MIDN: variants seen among roughly 807,000 people sequenced by gnomAD.
The protein encoded by MIDN is midnolin, also known as midbrain nucleolar protein.
Under a neutral mutation model 46.1 loss-of-function variants are expected in MIDN, and 26 were observed. That is an observed-to-expected ratio of 0.56 (90% confidence interval 0.41 to 0.78). The LOEUF is 0.78. Among genes scored for constraint, MIDN ranks in the 30% least tolerant of loss-of-function variants. The probability of loss-of-function intolerance (pLI) is 0.00; values close to 1 mark genes in which losing one functional copy is unlikely to be tolerated. For synonymous variants in MIDN, 432 were observed against 343.3 expected (o/e 1.26, Z -2.86); for missense variants, 850 against 771.8 (o/e 1.10, Z -1.20).
chr19:1,255,166 G>A lies in MIDN; in HGVS notation c.985+105G>A, dbSNP rs2081183037. 34 of 1,355,184 alleles carry A rather than the reference G, an allele frequency of 2.5e-5. No homozygotes were observed. The South Asian group carries it at 4.0e-4, about 16-fold the overall frequency. 83.9% of individuals were successfully genotyped at this position (1,355,184 alleles called of 1,614,324 possible). ...ACTCCACATATTCTGGGCATACACA[G>A]GCTGTGTCCGTCTGCTCACTTCACA... On this transcript the variant is annotated intron_variant, in intron 7 of 8. Transcript: ENST00000682408.
At position 1,250,420 on chromosome 19, in the gene MIDN, C is replaced by G; in HGVS notation, c.124C>G (p.Arg42Gly). ...SLAIHSTTGT[R>G]YDLAVPPDET... Reference sequence around the variant, plus strand: ...CGCCATCCACAGCACCACGGGCACCCGCTACGACCTGGCCGTGCCGCCCGA... The same window carrying G: ...CGCCATCCACAGCACCACGGGCACCGGCTACGACCTGGCCGTGCCGCCCGA... The change falls in exon 2 of 9, where the codon CGC becomes GGC. Residue 42 changes from arginine (R) to glycine (G), a missense_variant. Transcript: ENST00000682408. The G allele has an allele frequency of 1.5e-6, 2 of 1,363,294 alleles. No homozygotes were observed. The highest frequency in any genetic ancestry group is 1.9e-6 in the Non-Finnish European group (2 of 1,036,352). 84.4% of individuals were successfully genotyped at this position (1,363,294 alleles called of 1,614,324 possible).
At position 1,252,925 on chromosome 19, in the gene MIDN, A is replaced by G. The variant is rs558266263; in HGVS notation, c.384+1024A>G. Among the ~76,000 whole-genome samples, 603 of 150,786 alleles carry G rather than the reference A, an allele frequency of 4.0e-3. 4 individuals carry two copies. The highest frequency in any genetic ancestry group is 0.014 in the African/African-American group (562 of 40,850). ...GGGCTGCAGGTGATTTCCTGGGGCGAGTGTGAGCAGAGCTCCCCGCCGCTG... is the reference window on the plus strand; with the variant it reads ...GGGCTGCAGGTGATTTCCTGGGGCGGGTGTGAGCAGAGCTCCCCGCCGCTG... On this transcript the variant is annotated intron_variant, in intron 4 of 8. Transcript: ENST00000682408.
At chr19:1,252,646 C>T (rs2081145981) in intron 4 of MIDN, among the ~76,000 whole-genome samples, 1 of 152,182 alleles carries the variant, frequency 6.6e-6, no homozygotes, top group Non-Finnish European at 1.5e-5. Context: ...ACACAGGCCT[C>T]AGCAATCCGC....
At chr19:1,249,320 G>A (rs1489877912) in intron 1 of MIDN, among the ~76,000 whole-genome samples, 1 of 150,068 alleles carries the variant, frequency 6.7e-6, no homozygotes, top group Non-Finnish European at 1.5e-5. Flanking sequence ...CGCGGCCCTA[G>A]CCTCACCGTC....
rs537126071 is a variant in MIDN, at chr19:1,257,713, C to G, written c.*441C>G. ...TATTCAGGTTTTAAGTCAAAAATGT[C>G]GATATGTCATTATGCACTTTACAGA... On this transcript the variant is annotated 3_prime_UTR_variant, in exon 9 of 9. Coordinates refer to ENST00000682408, the MANE Select transcript of MIDN (RefSeq NM_001388306.1). 1.7e-3 allele frequency: 300 copies of G among 177,318 alleles called. 1 individual carries two copies. The highest frequency in any genetic ancestry group is 3.1e-3 in the Non-Finnish European group (261 of 83,770). 11.0% of individuals were successfully genotyped at this position (177,318 alleles called of 1,614,324 possible).
intron 4 of MIDN, among the ~76,000 whole-genome samples, chr19:1,252,116 G>T (rs1330092173): frequency 6.6e-6 from 1 of 152,196 alleles, no homozygotes; most frequent in East Asian, 1.9e-4. Context: ...CACGGTGGCT[G>T]CCCTGGGGGA....
chr19:1,252,226 C>G (rs1416258198), intron 4 of MIDN, among the ~76,000 whole-genome samples: 1 of 152,330 alleles, frequency 6.6e-6, no homozygotes, highest in East Asian at 1.9e-4. Flanking sequence ...CCCCTCCGCC[C>G]CCACCGAGGA....
intron 4 of MIDN, among the ~76,000 whole-genome samples, chr19:1,252,935 G>A (rs576735562): frequency 2.6e-5 from 4 of 152,062 alleles, no homozygotes; most frequent in African/African-American, 7.2e-5. Context: ...AGTGTGAGCA[G>A]AGCTCCCCGC....
Position 1,254,939 on chromosome 19 carries a change from G to C in MIDN, c.863G>C (p.Ser288Thr). The stretch of plus-strand genomic sequence containing the variant: ...TCCCCCACGGCCAGCAGCAGTGCCA[G>C]TCCTGGTGCCAGCACCACGTCTACC... Reference protein sequence around the residue: ...DCSPTASSSASPGASTTSTPG... With the variant: ...DCSPTASSSATPGASTTSTPG... The change falls in exon 7 of 9, where the codon AGT becomes ACT. Residue 288 changes from serine to threonine, a missense_variant. Coordinates refer to ENST00000682408, the MANE Select transcript of MIDN (RefSeq NM_001388306.1). The C allele has an allele frequency of 1.2e-6, 2 of 1,611,724 alleles. No individual in the cohort carries two copies. Among genetic ancestry groups the C allele is most frequent in the African/African-American group, 1.3e-5 (1 of 74,986 alleles).
Position 1,254,962 on chromosome 19 carries a change from A to G in MIDN, c.886A>G (p.Thr296Ala). Reference protein sequence around the residue: ...SASPGASTTSTPGASPAPRSR... With the variant: ...SASPGASTTSAPGASPAPRSR... ...CAGTCCTGGTGCCAGCACCACGTCT[A>G]CCCCAGGGGCCAGCCCTGCCCCCCG... The change falls in exon 7 of 9, where the codon ACC (threonine) becomes GCC (alanine). Residue 296 changes from threonine (T) to alanine (A), a missense_variant. Physicochemically the swap from Thr to Ala is moderately conservative, Grantham distance 58. Coordinates refer to ENST00000682408, the MANE Select transcript of MIDN (RefSeq NM_001388306.1). 6.2e-7 allele frequency: 1 copy of G among 1,612,428 alleles called. No individual in the cohort carries two copies. The highest frequency in any genetic ancestry group is 8.5e-7 in the Non-Finnish European group (1 of 1,179,724).
chr19:1,257,560 C>G lies in MIDN; in HGVS notation c.*288C>G. 1 of 371,560 alleles carries G rather than the reference C, an allele frequency of 2.7e-6. No individual in the cohort carries two copies. 23.0% of individuals were successfully genotyped at this position (371,560 alleles called of 1,614,324 possible). On this transcript the variant is annotated 3_prime_UTR_variant, in exon 9 of 9. Coordinates refer to ENST00000682408, the MANE Select transcript of MIDN (RefSeq NM_001388306.1). Reference sequence around the variant, plus strand: ...CTCCGTCTGTCTCCTTTCACCTCTGCGCCAGGTCGGTCCTCCCTGCCAACC... The same window carrying G: ...CTCCGTCTGTCTCCTTTCACCTCTGGGCCAGGTCGGTCCTCCCTGCCAACC...
intron 4 of MIDN, 138 bp from the exon 5 acceptor site, chr19:1,253,816 A>C: frequency 1.4e-5 from 8 of 575,962 alleles, no homozygotes; most frequent in South Asian, 5.1e-5. Context: ...GGGTGGGGGA[A>C]AGGCAAAGTG....
chr19:1,258,816 A>G lies in MIDN; in HGVS notation c.*1544A>G, dbSNP rs1216878177. On this transcript the variant is annotated 3_prime_UTR_variant, in exon 9 of 9. Coordinates refer to ENST00000682408, the MANE Select transcript of MIDN (RefSeq NM_001388306.1). Reference sequence around the variant, plus strand: ...CCAAAAAAAAAAGAAAAAAAAATAGAAAAAAAAGGAGTAAAAGGGGCGGGT... The same window carrying G: ...CCAAAAAAAAAAGAAAAAAAAATAGGAAAAAAAGGAGTAAAAGGGGCGGGT... The G allele has an allele frequency of 1.3e-5, 2 of 151,678 alleles. No individual in the cohort carries two copies. Among genetic ancestry groups the G allele is most frequent in the Non-Finnish European group, 1.5e-5 (1 of 67,924 alleles). 9.4% of individuals were successfully genotyped at this position (151,678 alleles called of 1,614,324 possible). A position where few individuals can be genotyped will look rare whatever the true frequency, so the allele number is the denominator to read the frequency against.
At chr19:1,255,085 A>G (rs1319817912) in intron 7 of MIDN, 24 bp downstream of exon 7, 3 of 1,601,640 alleles carry the variant, frequency 1.9e-6, no homozygotes, top group East Asian at 2.2e-5. Context: ...CACATGTGTG[A>G]GCTCACGTGT....
At position 1,254,096 on chromosome 19, in the gene MIDN, G is replaced by A; in HGVS notation, c.513+14G>A. The A allele has an allele frequency of 6.5e-7, 1 of 1,531,566 alleles. No individual in the cohort carries two copies. Among genetic ancestry groups the A allele is most frequent in the Non-Finnish European group, 8.7e-7 (1 of 1,146,404 alleles). The allele number at this position is 1,531,566 out of a possible 1,614,324, so 94.9% of individuals were successfully genotyped here. A position where few individuals can be genotyped will look rare whatever the true frequency, so the allele number is the denominator to read the frequency against. ...GAGAGGCCCCAGGTCACAGCGCGGG[G>A]GGACTGGGCCGGGCTGGGCTGGGGG... On this transcript the variant is annotated intron_variant, in intron 5 of 8. Transcript: ENST00000682408.
intron 2 of MIDN, chr19:1,251,317 G>C (rs2081124649): frequency 1.9e-6 from 1 of 526,032 alleles, no homozygotes. Context: ...TGCAGAGGGG[G>C]TGCCAGAGTC....
chr19:1,253,416 C>A (rs1201045950), intron 4 of MIDN, among the ~76,000 whole-genome samples: 1 of 81,602 alleles, frequency 1.2e-5, no homozygotes, highest in African/African-American at 6.5e-5. Flanking sequence ...TCAGAAACCT[C>A]CGCCACCCCC....
intron 4 of MIDN, among the ~76,000 whole-genome samples, chr19:1,252,154 T>C (rs1409006644): frequency 1.3e-5 from 2 of 152,208 alleles, no homozygotes; most frequent in Non-Finnish European, 2.9e-5. Context: ...CAAGACTGCC[T>C]GCAGGATGAC....
At chr19:1,248,876 T>C (rs2081087003) in intron 1 of MIDN, among the ~76,000 whole-genome samples, 1 of 150,744 alleles carries the variant, frequency 6.6e-6, no homozygotes, top group Non-Finnish European at 1.5e-5. Context: ...GCACTCCCCC[T>C]TCACCGCGGG....
Sources: allele counts gnomAD v4.1 joint callset (sites outside exome capture counted in the v4.1 genomes callset), GRCh38; gene constraint gnomAD v4.1.1; transcripts MANE v1.5; gene names NCBI Gene and HGNC (gene_info 2026-07-23, HGNC 2026-07-21).